SLC35F1: variants seen among roughly 807,000 people sequenced by gnomAD.
SLC35F1 encodes the protein solute carrier family 35 member F1.
Under a neutral mutation model 48.7 loss-of-function variants are expected in SLC35F1, and 14 were observed. That is an observed-to-expected ratio of 0.29 (90% CI 0.19 to 0.45). The LOEUF is 0.45. Among genes scored for constraint, SLC35F1 ranks in the 20% least tolerant of loss-of-function variants. The pLI, the probability that SLC35F1 is intolerant of heterozygous loss-of-function variation, is 1.00. For synonymous variants in SLC35F1, 190 were observed against 202.2 expected (o/e 0.94, Z 0.51); for missense variants, 404 against 500.0 (o/e 0.81, Z 1.83).
At chr6:118,119,540 T>C (rs1773525712) in intron 1 of SLC35F1, among the ~76,000 whole-genome samples, 1 of 127,724 alleles carries the variant, frequency 7.8e-6, no homozygotes, top group Non-Finnish European at 1.6e-5. Flanking sequence ...GTTTCACTCT[T>C]GTCGCCCAGG....
At chr6:118,015,908 G>A (rs1281059079) in intron 1 of SLC35F1, among the ~76,000 whole-genome samples, 1 of 152,140 alleles carries the variant, frequency 6.6e-6, no homozygotes, top group African/African-American at 2.4e-5. Context: ...GAAATAGACA[G>A]TGTCTCTTAT....
intron 2 of SLC35F1, among the ~76,000 whole-genome samples, chr6:118,226,429 A>G (rs1775219111): frequency 6.6e-6 from 1 of 152,202 alleles, no homozygotes; most frequent in African/African-American, 2.4e-5. Context: ...TTGCAGCACT[A>G]TTCACAATAA....
intron 1 of SLC35F1, among the ~76,000 whole-genome samples, chr6:117,991,897 A>AT (rs1220767628): frequency 6.6e-6 from 1 of 152,030 alleles, no homozygotes; most frequent in South Asian, 2.1e-4. Context: ...CCAACTGAAC[A>AT]TTTTTTTCTC....
intron 1 of SLC35F1, among the ~76,000 whole-genome samples, chr6:118,153,655 C>G (rs987985013): frequency 6.6e-6 from 1 of 152,134 alleles, no homozygotes; most frequent in African/African-American, 2.4e-5. Flanking sequence ...ACGCCTTGAC[C>G]CTTGCCTGTA....
At chr6:118,162,823 A>G (rs987475164) in intron 2 of SLC35F1, among the ~76,000 whole-genome samples, 1 of 152,202 alleles carries the variant, frequency 6.6e-6, no homozygotes, top group Admixed American at 6.5e-5. Context: ...CAAAACACAC[A>G]CATTCCATAC....
intron 3 of SLC35F1, among the ~76,000 whole-genome samples, chr6:118,239,407 A>C (rs1295187675): frequency 6.6e-6 from 1 of 151,700 alleles, no homozygotes; most frequent in Non-Finnish European, 1.5e-5. Context: ...TCACACCAAA[A>C]CTGGACCCAT....
chr6:118,104,343 A>T (rs1051233516), intron 1 of SLC35F1, among the ~76,000 whole-genome samples: 1 of 152,204 alleles, frequency 6.6e-6, no homozygotes, highest in Admixed American at 6.5e-5. Flanking sequence ...TAACTACAAG[A>T]TCCTGAGCAA....
chr6:118,010,042 T>C (rs1270240144), intron 1 of SLC35F1, among the ~76,000 whole-genome samples: 1 of 152,194 alleles, frequency 6.6e-6, no homozygotes, highest in Non-Finnish European at 1.5e-5. Context: ...GATGCTAATA[T>C]TGTTATTTAG....
At chr6:118,121,713 G>A (rs1337982538) in intron 1 of SLC35F1, among the ~76,000 whole-genome samples, 1 of 152,090 alleles carries the variant, frequency 6.6e-6, no homozygotes, top group Non-Finnish European at 1.5e-5. Context: ...TTCCAACTAA[G>A]TTTATCTTTT....
chr6:118,202,494 C>T (rs771462968), intron 2 of SLC35F1, among the ~76,000 whole-genome samples: 1 of 152,074 alleles, frequency 6.6e-6, no homozygotes, highest in Non-Finnish European at 1.5e-5. Context: ...AAGACCCTGT[C>T]CCAAAATAAA....
At chr6:118,055,801 C>T (rs1179501123) in intron 1 of SLC35F1, among the ~76,000 whole-genome samples, 1 of 152,208 alleles carries the variant, frequency 6.6e-6, no homozygotes, top group East Asian at 1.9e-4. Context: ...TGCTCACATG[C>T]GTAAGCTGCT....
chr6:118,215,442 C>T (rs570212185), intron 2 of SLC35F1, among the ~76,000 whole-genome samples: 5 of 151,746 alleles, frequency 3.3e-5, no homozygotes, highest in South Asian at 2.1e-4. Flanking sequence ...ATAGATAAGA[C>T]GGTCTTGTTG....
intron 1 of SLC35F1, among the ~76,000 whole-genome samples, chr6:118,081,757 A>T (rs1305207346): frequency 6.6e-6 from 1 of 152,196 alleles, no homozygotes; most frequent in African/African-American, 2.4e-5. Context: ...GCAAGTAAAA[A>T]TGCTGATCAG....
intron 1 of SLC35F1, among the ~76,000 whole-genome samples, chr6:117,923,643 G>GTACATATA (rs1562238603): frequency 5.1e-5 from 3 of 58,776 alleles, no homozygotes; most frequent in Non-Finnish European, 7.6e-5. Context: ...ATGTACATAT[G>GTACATATA]TACATATGTA....
At chr6:118,107,065 A>G (rs1220346910) in intron 1 of SLC35F1, among the ~76,000 whole-genome samples, 2 of 152,194 alleles carry the variant, frequency 1.3e-5, no homozygotes, top group African/African-American at 4.8e-5. Context: ...GTTTTCCCCA[A>G]TGGATGGCAA....
intron 1 of SLC35F1, among the ~76,000 whole-genome samples, chr6:117,941,104 A>G (rs763591305): frequency 5.3e-5 from 8 of 152,072 alleles, no homozygotes; most frequent in Non-Finnish European, 1.2e-4. Context: ...CTTCTTCGTT[A>G]TTTTAAGACT....
intron 1 of SLC35F1, among the ~76,000 whole-genome samples, chr6:118,023,786 G>A (rs1777429083): frequency 6.6e-6 from 1 of 152,196 alleles, no homozygotes; most frequent in African/African-American, 2.4e-5. Flanking sequence ...GGAGCCTTCA[G>A]CTCCATTGTC....
At chr6:118,007,321 A>T (rs1777186453) in intron 1 of SLC35F1, among the ~76,000 whole-genome samples, 1 of 152,148 alleles carries the variant, frequency 6.6e-6, no homozygotes, top group Non-Finnish European at 1.5e-5. Context: ...CCACCTTTCA[A>T]TACTGTCACA....
intron 1 of SLC35F1, among the ~76,000 whole-genome samples, chr6:118,142,500 T>C (rs1012075150): frequency 1.3e-5 from 2 of 152,174 alleles, no homozygotes. Flanking sequence ...CATCCCTTTC[T>C]TCTAATTGCC....
Sources: allele counts gnomAD v4.1 joint callset (sites outside exome capture counted in the v4.1 genomes callset), GRCh38; gene constraint gnomAD v4.1.1; transcripts MANE v1.5; gene names NCBI Gene and HGNC (gene_info 2026-07-23, HGNC 2026-07-21).